The following SYT14 variants were observed in gnomAD, a reference collection of about 807,000 sequenced individuals.
The protein encoded by SYT14 is synaptotagmin-14.
SYT14 carries 32 observed loss-of-function variants against 74.2 expected under a neutral mutation model. That is an observed-to-expected ratio of 0.43 (90% CI 0.33 to 0.58). The LOEUF is 0.58. Ranked by LOEUF, SYT14 falls within the 20% of genes least tolerant of loss-of-function variation. SYT14 has a pLI of 0.05. For missense variants in SYT14, 791 were observed against 981.8 expected, an observed-to-expected ratio of 0.81 and a Z score of 2.60; for synonymous variants, 298 against 337.7, an observed-to-expected ratio of 0.88 and a Z score of 1.29.
chr1:209,963,630 A>T (rs1174524410), intron 2 of SYT14, among the ~76,000 whole-genome samples: 1 of 152,208 alleles, frequency 6.6e-6, no homozygotes, highest in Non-Finnish European at 1.5e-5. Flanking sequence ...TACAGAGGAC[A>T]GTTTTCATAC....
chr1:209,962,104 C>T (rs1373073632), intron 2 of SYT14, among the ~76,000 whole-genome samples: 1 of 151,892 alleles, frequency 6.6e-6, no homozygotes, highest in Non-Finnish European at 1.5e-5. Flanking sequence ...TTATAATTGT[C>T]TTACTTTTCT....
At chr1:210,098,474 A>G (rs1025865118) in intron 6 of SYT14, among the ~76,000 whole-genome samples, 4 of 152,170 alleles carry the variant, frequency 2.6e-5, no homozygotes, top group Admixed American at 2.6e-4. Flanking sequence ...GTATTGTCCT[A>G]GTCCACATGG....
intron 5 of SYT14, among the ~76,000 whole-genome samples, chr1:210,027,506 A>G (rs1470397515): frequency 1.3e-5 from 2 of 151,982 alleles, no homozygotes; most frequent in African/African-American, 4.8e-5. Flanking sequence ...TCTTGTCTTC[A>G]TGTTGAGTAG....
chr1:210,165,670 A>G (rs1308552010), exon 10 of SYT14: 1 of 152,100 alleles, frequency 6.6e-6, no homozygotes, highest in African/African-American at 2.4e-5. Flanking sequence ...TTTTATTAAG[A>G]TTTGTCAGGA....
intron 5 of SYT14, among the ~76,000 whole-genome samples, chr1:210,077,090 G>A (rs1328504116): frequency 1.3e-5 from 2 of 152,028 alleles, no homozygotes; most frequent in African/African-American, 4.8e-5. Context: ...ATAAAGAAAT[G>A]AGGTTTAATT....
intron 2 of SYT14, among the ~76,000 whole-genome samples, chr1:209,978,700 C>T (rs563956362): frequency 4.7e-4 from 72 of 152,326 alleles, no homozygotes; most frequent in Non-Finnish European, 8.2e-4. Flanking sequence ...TCTCCAGCTG[C>T]GTGCTGGGAG....
chr1:210,050,017 C>T (rs1490990885), intron 5 of SYT14, among the ~76,000 whole-genome samples: 1 of 152,212 alleles, frequency 6.6e-6, no homozygotes, highest in Non-Finnish European at 1.5e-5. Context: ...TTTGGTTCCT[C>T]ATTACTCATG....
intron 2 of SYT14, among the ~76,000 whole-genome samples, chr1:209,956,075 C>G (rs1024267717): frequency 2.0e-5 from 3 of 152,136 alleles, no homozygotes; most frequent in Non-Finnish European, 2.9e-5. Context: ...AAGCACCCAT[C>G]TTAACTCCTC....
intron 2 of SYT14, among the ~76,000 whole-genome samples, chr1:209,966,411 A>G (rs2079159355): frequency 6.6e-6 from 1 of 152,186 alleles, no homozygotes. Context: ...AGAAAAAAAC[A>G]CCTGTAGATA....
intron 2 of SYT14, among the ~76,000 whole-genome samples, chr1:210,000,948 A>T (rs1204354900): frequency 1.3e-5 from 2 of 152,122 alleles, no homozygotes; most frequent in Non-Finnish European, 2.9e-5. Flanking sequence ...GATTAAAAAC[A>T]CATTATTTTA....
intron 2 of SYT14, among the ~76,000 whole-genome samples, chr1:209,953,994 C>T (rs1356616474): frequency 6.6e-6 from 1 of 152,148 alleles, no homozygotes; most frequent in African/African-American, 2.4e-5. Flanking sequence ...TAGTTTTCTG[C>T]TGTATACATA....
chr1:210,067,036 C>T (rs2081309178), intron 5 of SYT14, among the ~76,000 whole-genome samples: 2 of 151,812 alleles, frequency 1.3e-5, no homozygotes, highest in Admixed American at 6.6e-5. Flanking sequence ...TGTGAATAAC[C>T]ACTTAGCACC....
At chr1:210,049,567 T>C (rs575885656) in intron 5 of SYT14, among the ~76,000 whole-genome samples, 3 of 152,284 alleles carry the variant, frequency 2.0e-5, no homozygotes, top group Non-Finnish European at 4.4e-5. Context: ...TTTCTCCTAA[T>C]GCTATCCCTC....
chr1:210,030,733 A>G (rs1212503737), intron 5 of SYT14, among the ~76,000 whole-genome samples: 2 of 152,102 alleles, frequency 1.3e-5, no homozygotes, highest in Non-Finnish European at 2.9e-5. Flanking sequence ...TTAGGAAAGC[A>G]TGTCAACTTT....
chr1:210,094,555 G>T (rs1266037219), exon 6 of SYT14: 3 of 1,613,930 alleles, frequency 1.9e-6, no homozygotes, highest in South Asian at 2.2e-5. Flanking sequence ...ATATGAAGAA[G>T]ATGTTCCAAG....
At chr1:210,025,916 T>G (rs115498449) in intron 5 of SYT14, among the ~76,000 whole-genome samples, 4,048 of 152,294 alleles carry the variant, frequency 0.027, 189 homozygotes, top group African/African-American at 0.091. Flanking sequence ...AGGTCATCAC[T>G]GCTACTTTAG....
intron 1 of SYT14, among the ~76,000 whole-genome samples, chr1:209,951,412 C>T (rs949723173): frequency 1.6e-4 from 24 of 152,322 alleles, no homozygotes; most frequent in South Asian, 1.0e-3. Flanking sequence ...TGCTTTCTTT[C>T]ACTTAGCATA....
intron 5 of SYT14, among the ~76,000 whole-genome samples, chr1:210,022,203 G>T (rs2080317454): frequency 6.6e-6 from 1 of 152,132 alleles, no homozygotes; most frequent in African/African-American, 2.4e-5. Flanking sequence ...ATCCCAGCAT[G>T]TACAGTTGTC....
chr1:210,061,842 T>C (rs779538564), intron 5 of SYT14, among the ~76,000 whole-genome samples: 5 of 151,938 alleles, frequency 3.3e-5, no homozygotes, highest in Non-Finnish European at 7.4e-5. Flanking sequence ...TCATATAATC[T>C]ATTGTTATAT....
Sources: gnomAD v4.1 joint callset for allele counts (sites outside exome capture counted in the v4.1 genomes callset) on GRCh38, gnomAD v4.1.1 for gene constraint, MANE v1.5 for transcripts, NCBI Gene and HGNC (gene_info 2026-07-23, HGNC 2026-07-21) for gene names.